MAGI1: variants seen among roughly 807,000 people sequenced by gnomAD.
The protein encoded by MAGI1 is membrane-associated guanylate kinase, WW and PDZ domain-containing protein 1.
MAGI1 carries 58 observed loss-of-function variants against 139.9 expected under a neutral mutation model. The observed-to-expected ratio is 0.41, with a 90% CI of 0.34 to 0.52. The LOEUF (loss-of-function observed/expected upper bound fraction) is 0.52. Among genes scored for constraint, MAGI1 ranks in the 20% least tolerant of loss-of-function variants. MAGI1 has a pLI of 0.12. For synonymous variants in MAGI1, 812 were observed against 737.9 expected (o/e 1.10, Z -1.63); for missense variants, 1,874 against 1,901.6 (o/e 0.99, Z 0.27).
At position 65,812,168 on chromosome 3, in the gene MAGI1, A is replaced by G. The variant is rs115050948; in HGVS notation, c.314-190080T>C. Reference sequence around the variant, plus strand: ...TTCCCAGACACCAGACACATAATAAATACTTTTTTTAAGTGTAGGAAGAAA... The same window carrying G: ...TTCCCAGACACCAGACACATAATAAGTACTTTTTTTAAGTGTAGGAAGAAA... On this transcript the variant is annotated intron_variant, in intron 1 of 22. Coordinates refer to ENST00000402939, the MANE Select transcript of MAGI1 (RefSeq NM_001033057.2). Among the ~76,000 whole-genome samples, 1,403 of 152,262 alleles carry G rather than the reference A, an allele frequency of 9.2e-3. 16 individuals are homozygous for G. Among genetic ancestry groups the G allele is most frequent in the Admixed American group, 0.014 (215 of 15,288 alleles).
intron 1 of MAGI1, among the ~76,000 whole-genome samples, chr3:65,964,209 T>C (rs1191708596): frequency 6.6e-6 from 1 of 152,118 alleles, no homozygotes; most frequent in African/African-American, 2.4e-5. Context: ...CCCCCAGTAA[T>C]TACCTTAGCG....
intron 1 of MAGI1, chr3:65,688,185 T>G (rs2088233496): frequency 5.2e-6 from 4 of 767,198 alleles, no homozygotes; most frequent in Non-Finnish European, 9.2e-6. Context: ...GAGCGGCAAC[T>G]TCAGAGTACA....
Position 65,645,793 on chromosome 3 carries a change from T to C in MAGI1, c.314-23705A>G, listed in dbSNP as rs572291701. ...CAGCAATTCAGCCAAACTGGTAAAA[T>C]GACCATTCTACATATAGTTATTTTA... On this transcript the variant is annotated intron_variant, in intron 1 of 22. Transcript: ENST00000402939. Among the ~76,000 whole-genome samples the C allele has an allele frequency of 2.0e-5, 3 of 152,206 alleles. No homozygotes were observed. In the East Asian group the frequency reaches 5.8e-4, roughly 29 times the overall value.
chr3:65,597,224 T>G, intron 2 of MAGI1, among the ~76,000 whole-genome samples: 1 of 150,524 alleles, frequency 6.6e-6, no homozygotes, highest in African/African-American at 2.4e-5. Flanking sequence ...TCTCCTCCTT[T>G]ACCATCCATC....
At chr3:65,814,996 G>C (rs1280169191) in intron 1 of MAGI1, among the ~76,000 whole-genome samples, 1 of 152,186 alleles carries the variant, frequency 6.6e-6, no homozygotes, top group Non-Finnish European at 1.5e-5. Flanking sequence ...ATTTGGGAAA[G>C]CTGCAAGATC....
intron 1 of MAGI1, among the ~76,000 whole-genome samples, chr3:65,876,351 C>A (rs1439298341): frequency 6.6e-6 from 1 of 151,798 alleles, no homozygotes; most frequent in African/African-American, 2.4e-5. Context: ...CTCACCACCC[C>A]CCCCAAAAAA....
chr3:65,607,826 T>C (rs2082828715), intron 2 of MAGI1, among the ~76,000 whole-genome samples: 1 of 152,322 alleles, frequency 6.6e-6, no homozygotes, highest in African/African-American at 2.4e-5. Context: ...CTGCGTATTA[T>C]GCATGCGGCC....
At chr3:65,618,538 A>C (rs2107022018) in intron 2 of MAGI1, among the ~76,000 whole-genome samples, 1 of 152,208 alleles carries the variant, frequency 6.6e-6, no homozygotes, top group East Asian at 1.9e-4. Context: ...ATTTTAAGCA[A>C]CTAGAGCTCT....
At chr3:65,650,729 C>A (rs539921341) in intron 1 of MAGI1, among the ~76,000 whole-genome samples, 1 of 152,162 alleles carries the variant, frequency 6.6e-6, no homozygotes, top group East Asian at 1.9e-4. Context: ...GACCTGGGAA[C>A]CTATTAGGAG....
chr3:65,756,926 A>G (rs1437557975), intron 1 of MAGI1, among the ~76,000 whole-genome samples: 2 of 152,240 alleles, frequency 1.3e-5, no homozygotes, highest in African/African-American at 4.8e-5. Flanking sequence ...CTGAACCCAT[A>G]CACGGAATGC....
chr3:65,889,825 C>A (rs976334257), intron 1 of MAGI1, among the ~76,000 whole-genome samples: 2 of 152,120 alleles, frequency 1.3e-5, no homozygotes, highest in African/African-American at 2.4e-5. Context: ...CCTGAGCCAA[C>A]ACCAAAAAGA....
chr3:65,721,310 G>A (rs1374998024), intron 1 of MAGI1, among the ~76,000 whole-genome samples: 1 of 152,180 alleles, frequency 6.6e-6, no homozygotes, highest in Non-Finnish European at 1.5e-5. Context: ...TGGGCTCCAT[G>A]TCACTCTACC....
chr3:65,885,996 G>A (rs764035170), intron 1 of MAGI1, among the ~76,000 whole-genome samples: 1 of 152,102 alleles, frequency 6.6e-6, no homozygotes, highest in Non-Finnish European at 1.5e-5. Context: ...ATCTCTGAGC[G>A]GAGATGTTAC....
chr3:65,479,612 T>G (rs946791694), intron 3 of MAGI1, among the ~76,000 whole-genome samples: 2 of 152,166 alleles, frequency 1.3e-5, no homozygotes, highest in African/African-American at 4.8e-5. Context: ...AAAGTTTGCC[T>G]TTAGAATTTA....
intron 4 of MAGI1, among the ~76,000 whole-genome samples, chr3:65,478,082 C>A (rs774475109): frequency 2.0e-5 from 3 of 151,966 alleles, no homozygotes; most frequent in African/African-American, 7.3e-5. Context: ...AACAATTTTG[C>A]GTAAGTTAAC....
chr3:65,443,784 C>A (rs987909213), intron 7 of MAGI1, among the ~76,000 whole-genome samples: 1 of 152,128 alleles, frequency 6.6e-6, no homozygotes, highest in Admixed American at 6.6e-5. Flanking sequence ...TTATGTAACA[C>A]CACACTCTAA....
intron 1 of MAGI1, among the ~76,000 whole-genome samples, chr3:65,940,461 G>A (rs1160468530): frequency 1.3e-5 from 2 of 152,054 alleles, no homozygotes; most frequent in Non-Finnish European, 2.9e-5. Context: ...ATCTTCACGT[G>A]GCAGAAAAGA....
intron 1 of MAGI1, among the ~76,000 whole-genome samples, chr3:65,884,691 C>A (rs1448481114): frequency 6.6e-6 from 1 of 151,994 alleles, no homozygotes; most frequent in East Asian, 1.9e-4. Flanking sequence ...ATGATCCTGT[C>A]ACCCAGGTAA....
At chr3:65,958,728 T>G (rs939887431) in intron 1 of MAGI1, among the ~76,000 whole-genome samples, 2 of 152,198 alleles carry the variant, frequency 1.3e-5, no homozygotes, top group African/African-American at 4.8e-5. Flanking sequence ...AGCTCAGGCC[T>G]ATAATCCCAG....
Sources: gnomAD v4.1 joint callset for allele counts (sites outside exome capture counted in the v4.1 genomes callset) on GRCh38, gnomAD v4.1.1 for gene constraint, MANE v1.5 for transcripts, NCBI Gene and HGNC (gene_info 2026-07-23, HGNC 2026-07-21) for gene names.